Variants in SORCS1 observed in about 807,000 individuals in gnomAD.
SORCS1 encodes the protein sortilin related VPS10 domain containing receptor 1.
Under a neutral mutation model 146.1 loss-of-function variants are expected in SORCS1, and 60 were observed. The ratio of observed to expected loss-of-function variants is 0.41; its 90% confidence interval spans 0.33 to 0.51. The LOEUF (loss-of-function observed/expected upper bound fraction) is 0.51. SORCS1 is among the 20% of genes least tolerant of loss of function. SORCS1 has a pLI of 0.21. For missense variants in SORCS1, 1,352 were observed against 1,487.6 expected, an observed-to-expected ratio of 0.91 and a Z score of 1.50; for synonymous variants, 637 against 584.0, an observed-to-expected ratio of 1.09 and a Z score of -1.31.
intron 1 of SORCS1, among the ~76,000 whole-genome samples, chr10:107,042,775 A>C (rs922509838): frequency 6.6e-6 from 1 of 151,844 alleles, no homozygotes; most frequent in African/African-American, 2.4e-5. Context: ...ACACCTGACT[A>C]ATTTTTGTAT....
chr10:106,721,275 A>C (rs2135939967), intron 6 of SORCS1, among the ~76,000 whole-genome samples: 1 of 152,162 alleles, frequency 6.6e-6, no homozygotes, highest in East Asian at 1.9e-4. Context: ...TAATAAATTG[A>C]CTAAAAAAAA....
chr10:106,922,472 T>C (rs1283979830), intron 2 of SORCS1, among the ~76,000 whole-genome samples: 1 of 152,258 alleles, frequency 6.6e-6, no homozygotes, highest in Non-Finnish European at 1.5e-5. Flanking sequence ...GTCAAAACTT[T>C]GATACCATCA....
chr10:106,940,944 C>G (rs1157108963), intron 2 of SORCS1, among the ~76,000 whole-genome samples: 1 of 151,948 alleles, frequency 6.6e-6, no homozygotes, highest in Non-Finnish European at 1.5e-5. Flanking sequence ...GGGAAGGATC[C>G]CACAAAAGAT....
chr10:107,057,883 G>T (rs181100135), intron 1 of SORCS1, among the ~76,000 whole-genome samples: 1 of 152,180 alleles, frequency 6.6e-6, no homozygotes, highest in Non-Finnish European at 1.5e-5. Flanking sequence ...CACAGGCATG[G>T]TCATCGCACT....
intron 10 of SORCS1, 117 bp downstream of exon 10, chr10:106,688,075 C>G: frequency 2.1e-6 from 3 of 1,415,636 alleles, no homozygotes; most frequent in Non-Finnish European, 2.9e-6. Flanking sequence ...ACGCCCTTCC[C>G]CACTCCCTTT....
At chr10:106,992,781 C>T (rs964472784) in intron 1 of SORCS1, among the ~76,000 whole-genome samples, 3 of 150,996 alleles carry the variant, frequency 2.0e-5, no homozygotes, top group African/African-American at 2.5e-5. Flanking sequence ...CAGGCATGCA[C>T]CACTACACCA....
Position 107,102,407 on chromosome 10 carries a change from G to A in SORCS1, c.558+61562C>T, listed in dbSNP as rs139141932. The stretch of plus-strand genomic sequence containing the variant: ...GCAAAATGTCAAGGTGTTGGGATCC[G>A]GATCAGGATATAAAGAACAAACAAG... On this transcript the variant is annotated intron_variant, in intron 1 of 25. Transcript: ENST00000263054. Among the ~76,000 whole-genome samples, 144 of 152,216 alleles carry A rather than the reference G, an allele frequency of 9.5e-4. 2 individuals carry two copies. The highest frequency in any genetic ancestry group is 3.2e-3 in the African/African-American group (134 of 41,526).
At chr10:106,824,588 CA>C (rs397846847) in intron 3 of SORCS1, among the ~76,000 whole-genome samples, 2,663 of 71,136 alleles carry the variant, frequency 0.037, 66 homozygotes, top group African/African-American at 0.11. Flanking sequence ...GACTTCATCT[CA>C]AAAAAAAAAA....
intron 5 of SORCS1, among the ~76,000 whole-genome samples, chr10:106,733,579 C>T (rs1246685150): frequency 1.3e-5 from 2 of 152,204 alleles, no homozygotes; most frequent in East Asian, 1.9e-4. Context: ...GCTGGAGCTA[C>T]AGAGTTAGGT....
chr10:106,577,382 C>A lies in SORCS1; in HGVS notation c.*38G>T. The A allele has an allele frequency of 6.2e-7, 1 of 1,613,370 alleles. No homozygotes were observed. Among genetic ancestry groups the A allele is most frequent in the Non-Finnish European group, 8.5e-7 (1 of 1,179,496 alleles). On this transcript the variant is annotated 3_prime_UTR_variant, in exon 26 of 26. Transcript: ENST00000263054. Reference sequence around the variant, plus strand: ...TACTTGACAAGAGCGAAATTCTTTCCTGATCAGCAGGTCGCCTGTAGCCTT... The same window carrying A: ...TACTTGACAAGAGCGAAATTCTTTCATGATCAGCAGGTCGCCTGTAGCCTT...
At chr10:106,630,338 T>C (rs1052584226) in intron 18 of SORCS1, among the ~76,000 whole-genome samples, 3 of 152,170 alleles carry the variant, frequency 2.0e-5, no homozygotes, top group African/African-American at 7.2e-5. Context: ...ATTCTTAGTC[T>C]AGTCTGGAGA....
intron 9 of SORCS1, among the ~76,000 whole-genome samples, chr10:106,696,522 T>C (rs1203323386): frequency 6.6e-6 from 1 of 152,044 alleles, no homozygotes; most frequent in Non-Finnish European, 1.5e-5. Flanking sequence ...AAGACTCCTC[T>C]CTCCCAGCCC....
chr10:106,859,457 G>A (rs1328588436), intron 2 of SORCS1, among the ~76,000 whole-genome samples: 2 of 152,202 alleles, frequency 1.3e-5, no homozygotes, highest in African/African-American at 4.8e-5. Context: ...GTGGCGGCGC[G>A]ATGTTGGCTC....
At chr10:107,023,227 G>A (rs1190536293) in intron 1 of SORCS1, among the ~76,000 whole-genome samples, 1 of 152,122 alleles carries the variant, frequency 6.6e-6, no homozygotes, top group Non-Finnish European at 1.5e-5. Context: ...CCAACCCCAG[G>A]GCTTTTTATT....
intron 1 of SORCS1, among the ~76,000 whole-genome samples, chr10:107,121,013 G>A (rs890608831): frequency 6.6e-6 from 1 of 152,180 alleles, no homozygotes; most frequent in South Asian, 2.1e-4. Flanking sequence ...CCAGCACTTC[G>A]AAAAGGAGGT....
intron 1 of SORCS1, among the ~76,000 whole-genome samples, chr10:107,118,733 C>T (rs1212962602): frequency 6.6e-6 from 1 of 152,208 alleles, no homozygotes; most frequent in East Asian, 1.9e-4. Flanking sequence ...ATAGTAACTA[C>T]ATTTTTTTCT....
chr10:106,924,466 G>GATCC (rs765787084), intron 2 of SORCS1, among the ~76,000 whole-genome samples: 3 of 130,664 alleles, frequency 2.3e-5, no homozygotes, highest in East Asian at 4.5e-4. Context: ...CACAGTTATC[G>GATCC]ATCTATCTAT....
At chr10:107,160,061 A>C (rs781035126) in intron 1 of SORCS1, among the ~76,000 whole-genome samples, 7 of 152,232 alleles carry the variant, frequency 4.6e-5, no homozygotes, top group Admixed American at 1.3e-4. Context: ...ATGAGAGAAC[A>C]ACCAAAGCAC....
chr10:107,141,361 T>C (rs1765465842), intron 1 of SORCS1, among the ~76,000 whole-genome samples: 1 of 152,196 alleles, frequency 6.6e-6, no homozygotes, highest in Non-Finnish European at 1.5e-5. Flanking sequence ...CTCCATCTAA[T>C]AACATAAACT....
Sources: gnomAD v4.1 joint callset for allele counts (sites outside exome capture counted in the v4.1 genomes callset) on GRCh38, gnomAD v4.1.1 for gene constraint, MANE v1.5 for transcripts, NCBI Gene and HGNC (gene_info 2026-07-23, HGNC 2026-07-21) for gene names.